The following EYS variants were observed in gnomAD, a reference collection of about 807,000 sequenced individuals.
EYS encodes protein eyes shut homolog.
Under a neutral mutation model 282.1 loss-of-function variants are expected in EYS, and 250 were observed. The observed-to-expected ratio is 0.89, with a 90% CI of 0.80 to 0.98. The LOEUF is 0.98. Ranked by LOEUF, EYS falls within the 50% of genes least tolerant of loss-of-function variation. EYS has a pLI of 0.00. For synonymous variants in EYS, 1,355 were observed against 1,282.9 expected, an observed-to-expected ratio of 1.06 and a Z score of -1.20; for missense variants, 4,016 against 3,709.0, an observed-to-expected ratio of 1.08 and a Z score of -2.15.
intron 12 of EYS, among the ~76,000 whole-genome samples, chr6:65,241,126 A>G (rs548986204): frequency 2.3e-4 from 35 of 152,286 alleles, no homozygotes; most frequent in African/African-American, 8.2e-4. Flanking sequence ...TTAGACTTAC[A>G]TAAAAATGGA....
At chr6:64,014,287 G>C (rs1768781954) in intron 33 of EYS, among the ~76,000 whole-genome samples, 1 of 151,652 alleles carries the variant, frequency 6.6e-6, no homozygotes. Context: ...GGCCATGTGT[G>C]TCCCTGCCAT....
At chr6:65,690,686 C>T (rs923707606) in intron 1 of EYS, among the ~76,000 whole-genome samples, 2 of 149,848 alleles carry the variant, frequency 1.3e-5, no homozygotes, top group African/African-American at 2.4e-5. Context: ...CTACATCAAC[C>T]CATCATCCAC....
chr6:64,095,148 T>A (rs1582261072), intron 31 of EYS, among the ~76,000 whole-genome samples: 1 of 152,312 alleles, frequency 6.6e-6, no homozygotes, highest in East Asian at 1.9e-4. Context: ...TTCTTTTACA[T>A]TTGCTGAGGA....
chr6:64,892,799 T>G (rs973463582), intron 18 of EYS, among the ~76,000 whole-genome samples: 1 of 152,108 alleles, frequency 6.6e-6, no homozygotes, highest in African/African-American at 2.4e-5. Flanking sequence ...TAAACATCAT[T>G]CGGATTGATG....
chr6:64,826,543 A>C (rs1765062629), intron 19 of EYS, among the ~76,000 whole-genome samples: 1 of 151,672 alleles, frequency 6.6e-6, no homozygotes, highest in Non-Finnish European at 1.5e-5. Flanking sequence ...ATTTTCACAT[A>C]GGAAATTACA....
chr6:64,693,990 A>G (rs1227111125), intron 22 of EYS, among the ~76,000 whole-genome samples: 1 of 152,188 alleles, frequency 6.6e-6, no homozygotes, highest in African/African-American at 2.4e-5. Flanking sequence ...TTAAATGGGA[A>G]CATAATAATT....
chr6:64,270,788 C>G (rs1016321167), intron 30 of EYS, among the ~76,000 whole-genome samples: 1 of 152,198 alleles, frequency 6.6e-6, no homozygotes, highest in Non-Finnish European at 1.5e-5. Flanking sequence ...CTGCCTCACA[C>G]TCCTCAACAA....
chr6:64,972,837 T>C (rs1770342685), intron 14 of EYS, among the ~76,000 whole-genome samples: 1 of 152,064 alleles, frequency 6.6e-6, no homozygotes, highest in Admixed American at 6.6e-5. Context: ...ACATGTTACC[T>C]ACCAATAAAT....
At chr6:65,225,792 T>A (rs1366338701) in intron 12 of EYS, among the ~76,000 whole-genome samples, 1 of 148,290 alleles carries the variant, frequency 6.7e-6, no homozygotes, top group Non-Finnish European at 1.5e-5. Flanking sequence ...AACTACATGA[T>A]CAACTCAATT....
In EYS at chr6:63,984,370, G is replaced by A; in HGVS notation, c.7055+13C>T. 6.6e-7 allele frequency: 1 copy of A among 1,516,430 alleles called. No individual in the cohort carries two copies. The highest frequency in any genetic ancestry group is 9.0e-7 in the Non-Finnish European group (1 of 1,115,358). 93.9% of individuals were successfully genotyped at this position (1,516,430 alleles called of 1,614,324 possible). A position where few individuals can be genotyped will look rare whatever the true frequency, so the allele number is the denominator to read the frequency against. The stretch of plus-strand genomic sequence containing the variant: ...ATGTAACGTAGGTTGGGAATCAGGA[G>A]ACTAATACTGACCTGATGCAGGTGC... On this transcript the variant is annotated intron_variant, in intron 35 of 42. Transcript: ENST00000503581.
Position 65,159,843 on chromosome 6 carries a change from G to A in EYS, c.2024-102116C>T, listed in dbSNP as rs1187365753. ...TCATTACTCCACTATCATGAAATTT[G>A]AAACAATTAGAAATAACAGTTGGAG... is the stretch of plus-strand genomic sequence containing the variant. On this transcript the variant is annotated intron_variant, in intron 12 of 42. Transcript: ENST00000503581. Among the ~76,000 whole-genome samples, 5 of 150,844 alleles carry A rather than the reference G, an allele frequency of 3.3e-5. No individual in the cohort carries two copies. The East Asian group carries it at 7.8e-4, about 24-fold the overall frequency.
intron 29 of EYS, among the ~76,000 whole-genome samples, chr6:64,315,849 C>T (rs1769936284): frequency 6.6e-6 from 1 of 151,998 alleles, no homozygotes; most frequent in South Asian, 2.1e-4. Flanking sequence ...TCCAGCCACA[C>T]ATCAAAAAGC....
intron 12 of EYS, among the ~76,000 whole-genome samples, chr6:65,283,487 T>C (rs978171659): frequency 6.6e-6 from 1 of 152,030 alleles, no homozygotes; most frequent in African/African-American, 2.4e-5. Context: ...ATAACATCTT[T>C]TATTTTTTCT....
intron 12 of EYS, among the ~76,000 whole-genome samples, chr6:65,158,538 T>TTGC (rs1764780265): frequency 6.6e-6 from 1 of 150,586 alleles, no homozygotes; most frequent in Non-Finnish European, 1.5e-5. Context: ...AAGAAATATG[T>TTGC]TTGTGTTGAT....
intron 13 of EYS, among the ~76,000 whole-genome samples, chr6:65,041,788 A>C (rs567895430): frequency 6.6e-6 from 1 of 151,694 alleles, no homozygotes; most frequent in South Asian, 2.1e-4. Context: ...AGCAACAGTG[A>C]TCCCAGTATT....
At position 64,607,445 on chromosome 6, in the gene EYS, G is replaced by A. The variant is rs552370241; in HGVS notation, c.3684+9973C>T. ...TACAAGTTGAGGGATGTTTAGTGTC[G>A]GCTTTCTCACAGATGGTGCCTTCTA... On this transcript the variant is annotated intron_variant, in intron 24 of 42. Coordinates refer to ENST00000503581, the MANE Select transcript of EYS (RefSeq NM_001142800.2). 3.6e-4 allele frequency among the ~76,000 whole-genome samples: 55 copies of A among 152,066 alleles called. No individual in the cohort carries two copies. In the Middle Eastern group the frequency reaches 0.01, roughly 28 times the overall value.
chr6:64,626,185 T>C lies in EYS; in HGVS notation c.3504A>G (p.Ser1168=). The C allele has an allele frequency of 6.5e-7, 1 of 1,542,306 alleles. No individual in the cohort carries two copies. Among genetic ancestry groups the C allele is most frequent in the East Asian group, 2.5e-5 (1 of 40,798 alleles). ...CEININECSS[S]PCLHGADCED... ...CACAGTCTGCACCATGTAGACATGG[T>C]GATGAAGAGCATTCATTTATATTAA... The change falls in exon 23 of 43, where the codon TCA becomes TCG. Residue 1168 remains serine, a synonymous_variant. Coordinates refer to ENST00000503581, the MANE Select transcript of EYS (RefSeq NM_001142800.2).
At chr6:63,888,607 G>C (rs1040489191) in intron 35 of EYS, among the ~76,000 whole-genome samples, 8 of 152,258 alleles carry the variant, frequency 5.3e-5, no homozygotes, top group African/African-American at 1.9e-4. Context: ...TCAACAAAAA[G>C]GATGACCATG....
Position 63,789,160 on chromosome 6 carries a change from G to C in EYS, c.7476C>G (p.Asn2492Lys). 3 of 1,551,752 alleles carry C rather than the reference G, an allele frequency of 1.9e-6. No individual in the cohort carries two copies. Among genetic ancestry groups the C allele is most frequent in the South Asian group, 2.4e-5 (2 of 84,064 alleles). ...LLNGSVVYSYNLGSGIASIRS... is the reference protein window; with the variant it reads ...LLNGSVVYSYKLGSGIASIRS... Reference sequence around the variant, plus strand: ...TGATGCTTGCTATGCCAGACCCCAGGTTATAACTATAAACCACACTGCCAT... The same window carrying C: ...TGATGCTTGCTATGCCAGACCCCAGCTTATAACTATAAACCACACTGCCAT... Residue 2492 changes from asparagine to lysine, a missense_variant, in exon 38 of 43, where the codon AAC (asparagine) becomes AAG (lysine). Transcript: ENST00000503581.
Sources: gnomAD v4.1 joint callset for allele counts (sites outside exome capture counted in the v4.1 genomes callset) on GRCh38, gnomAD v4.1.1 for gene constraint, MANE v1.5 for transcripts, NCBI Gene and HGNC (gene_info 2026-07-23, HGNC 2026-07-21) for gene names.